Variants in ZEB1 observed in about 807,000 individuals in gnomAD.
ZEB1 encodes the protein zinc finger E-box binding homeobox 1.
In ZEB1, 21 loss-of-function variants were observed where a neutral mutation model predicts 84.9. That is an observed-to-expected ratio of 0.25 (90% confidence interval 0.18 to 0.36). The LOEUF is 0.36. Among genes scored for constraint, ZEB1 ranks in the 10% least tolerant of loss-of-function variants. ZEB1 has a pLI of 1.00. For synonymous variants in ZEB1, 420 were observed against 471.1 expected, an observed-to-expected ratio of 0.89 and a Z score of 1.41; for missense variants, 1,104 against 1,330.2, an observed-to-expected ratio of 0.83 and a Z score of 2.65.
intron 1 of ZEB1, among the ~76,000 whole-genome samples, chr10:31,417,142 T>TA (rs1314478121): frequency 6.6e-6 from 1 of 152,132 alleles, no homozygotes; most frequent in East Asian, 1.9e-4. Context: ...CTAGGACTTA[T>TA]AGTCCCCAGT....
chr10:31,524,909 G>A (rs2073127083), intron 8 of ZEB1, among the ~76,000 whole-genome samples: 1 of 152,146 alleles, frequency 6.6e-6, no homozygotes, highest in Admixed American at 6.5e-5. Context: ...CTAAGATCCT[G>A]TAATTCTGAG....
At chr10:31,431,151 A>G (rs2057661496) in intron 1 of ZEB1, among the ~76,000 whole-genome samples, 1 of 152,182 alleles carries the variant, frequency 6.6e-6, no homozygotes, top group South Asian at 2.1e-4. Context: ...AAACTGGCAG[A>G]GAGCTTGGGT....
At chr10:31,408,821 A>G (rs161244) in intron 1 of ZEB1, among the ~76,000 whole-genome samples, 15,256 of 146,024 alleles carry the variant, frequency 0.1, 1,626 homozygotes, top group African/African-American at 0.29. Flanking sequence ...TTACCATTCA[A>G]GACATAGGCA....
intron 1 of ZEB1, among the ~76,000 whole-genome samples, chr10:31,413,353 T>C (rs2054637182): frequency 6.6e-6 from 1 of 152,150 alleles, no homozygotes; most frequent in African/African-American, 2.4e-5. Context: ...TGCATTTTTT[T>C]CTTTAGCCTA....
chr10:31,330,090 T>C (rs12260289), intron 1 of ZEB1, among the ~76,000 whole-genome samples: 2,165 of 152,248 alleles, frequency 0.014, 50 homozygotes, highest in African/African-American at 0.049. Flanking sequence ...TTTGTGTCCT[T>C]TCTGAGAAAT....
intron 2 of ZEB1, among the ~76,000 whole-genome samples, chr10:31,484,060 T>C (rs574463851): frequency 6.6e-6 from 1 of 152,110 alleles, no homozygotes; most frequent in Non-Finnish European, 1.5e-5. Flanking sequence ...TGACTTCTTT[T>C]CTCTAAAGCC....
intron 7 of ZEB1, among the ~76,000 whole-genome samples, chr10:31,522,808 C>T (rs1473450972): frequency 6.6e-6 from 1 of 152,118 alleles, no homozygotes; most frequent in African/African-American, 2.4e-5. Context: ...CCTGCTCAAA[C>T]TTGTATTTGC....
At chr10:31,472,505 C>A (rs1224430334) in intron 2 of ZEB1, among the ~76,000 whole-genome samples, 1 of 150,740 alleles carries the variant, frequency 6.6e-6, no homozygotes, top group African/African-American at 2.5e-5. Flanking sequence ...AAGACTAAAC[C>A]AGGAAGAAGT....
At chr10:31,365,242 A>G in intron 1 of ZEB1, among the ~76,000 whole-genome samples, 1 of 152,200 alleles carries the variant, frequency 6.6e-6, no homozygotes. Flanking sequence ...AATATGACAA[A>G]CATAATTTGG....
At chr10:31,401,876 AAAT>A (rs747332905) in intron 1 of ZEB1, among the ~76,000 whole-genome samples, 269 of 152,284 alleles carry the variant, frequency 1.8e-3, no homozygotes, top group Non-Finnish European at 2.5e-3. Context: ...TGTTATTTTA[AAAT>A]AATAATAAAG....
intron 1 of ZEB1, among the ~76,000 whole-genome samples, chr10:31,386,144 A>C (rs1489468477): frequency 6.6e-6 from 1 of 151,920 alleles, no homozygotes; most frequent in African/African-American, 2.4e-5. Context: ...AAGCATTAAG[A>C]AGGTATATTG....
intron 4 of ZEB1, among the ~76,000 whole-genome samples, chr10:31,508,994 G>C (rs1030664204): frequency 5.7e-4 from 86 of 152,138 alleles, no homozygotes; most frequent in Non-Finnish European, 8.8e-4. Context: ...TGTCCTTGGG[G>C]CATGTAAAAA....
chr10:31,521,203 A>T lies in ZEB1; in HGVS notation c.1871A>T (p.Asp624Val). The change falls in exon 7 of 9, where the codon GAT becomes GTT. Residue 624 changes from aspartate to valine, a missense_variant. Around this residue, in one of 7 missense-constraint regions of ZEB1, gnomAD observed 531 missense variants for 575.2 expected, o/e 0.92. Coordinates refer to ENST00000424869, the MANE Select transcript of ZEB1 (RefSeq NM_001174096.2). ...KIADSVNLPL[D>V]VVKKWFEKMQ... Reference sequence around the variant, plus strand: ...GCTGATTCAGTAAACCTACCACTGGATGTAGTAAAAAAGTGGTTTGAAAAG... The same window carrying T: ...GCTGATTCAGTAAACCTACCACTGGTTGTAGTAAAAAAGTGGTTTGAAAAG... 1 of 1,614,090 alleles carries T rather than the reference A, an allele frequency of 6.2e-7. No individual in the cohort carries two copies. Among genetic ancestry groups the T allele is most frequent in the Non-Finnish European group, 8.5e-7 (1 of 1,180,022 alleles).
At chr10:31,446,051 T>G (rs568640450) in intron 1 of ZEB1, among the ~76,000 whole-genome samples, 1,812 of 141,810 alleles carry the variant, frequency 0.013, 41 homozygotes, top group African/African-American at 0.046. Flanking sequence ...GGTCCTGGAC[T>G]CTTTTTGGTT....
chr10:31,414,000 C>A (rs996504724), intron 1 of ZEB1, among the ~76,000 whole-genome samples: 13 of 152,142 alleles, frequency 8.5e-5, no homozygotes, highest in Admixed American at 1.3e-4. Context: ...TCCAAATTGC[C>A]TTCTCCTCTT....
chr10:31,343,838 T>A lies in ZEB1; in HGVS notation c.58+24546T>A, dbSNP rs936219480. Among the ~76,000 whole-genome samples, 11 of 152,098 alleles carry A rather than the reference T, an allele frequency of 7.2e-5. 1 individual carries two copies. Among genetic ancestry groups the A allele is most frequent in the Admixed American group, 6.6e-4 (10 of 15,246 alleles). ...CTCCAAGTATGATTTCATTTTACCG[T>A]GTTCTTTGTAAACTCAAATGCCTGT... On this transcript the variant is annotated intron_variant, in intron 1 of 8. Coordinates refer to ENST00000424869, the MANE Select transcript of ZEB1 (RefSeq NM_001174096.2).
chr10:31,344,753 TG>T (rs2040002411), intron 1 of ZEB1, among the ~76,000 whole-genome samples: 3 of 152,098 alleles, frequency 2.0e-5, no homozygotes. Context: ...ACTCCGATTG[TG>T]GGAATTTTCT....
In ZEB1 at chr10:31,521,906, C is replaced by T. The variant is rs973068277; in HGVS notation, c.2574C>T (p.Pro858=). The change falls in exon 7 of 9, where the codon CCC becomes CCT. Residue 858 remains proline (P), a synonymous_variant. Transcript: ENST00000424869. ...TTVSPAVQEP[P]LKVIQPNGNQ... ...TCAGCCCTGCAGTCCAAGAACCACC[C>T]TTGAAAGTGATCCAGCCAAATGGAA... 6.2e-7 allele frequency: 1 copy of T among 1,614,046 alleles called. No homozygotes were observed. The highest frequency in any genetic ancestry group is 8.5e-7 in the Non-Finnish European group (1 of 1,179,982).
At position 31,461,221 on chromosome 10, in the gene ZEB1, C is replaced by T. The variant is rs755441130; in HGVS notation, c.243C>T (p.Asn81=). 1.2e-6 allele frequency: 2 copies of T among 1,612,886 alleles called. No homozygotes were observed. The highest frequency in any genetic ancestry group is 1.1e-5 in the South Asian group (1 of 90,992). The change falls in exon 2 of 9, where the codon AAC becomes AAT. Residue 81 remains asparagine (N), a synonymous_variant. Coordinates refer to ENST00000424869, the MANE Select transcript of ZEB1 (RefSeq NM_001174096.2). ...GTGAAAGAGAAGGGAATGCTAAGAA[C>T]TGCTGGGAGGATGACAGTAAGTCTG... ...RSSEREGNAK[N]CWEDDTGKEG... is the part of the protein sequence containing the mutation.
Sources: gnomAD v4.1 joint callset for allele counts (sites outside exome capture counted in the v4.1 genomes callset) on GRCh38, gnomAD v4.1.1 for gene constraint, gnomAD v4.1.1 regional missense constraint, MANE v1.5 for transcripts, NCBI Gene and HGNC (gene_info 2026-07-23, HGNC 2026-07-21) for gene names.